The following CGA variants were observed in gnomAD, a reference collection of about 807,000 sequenced individuals.
CGA encodes glycoprotein hormones, alpha polypeptide, also known as glycoprotein hormones alpha chain.
In CGA, 4 loss-of-function variants were observed where a neutral mutation model predicts 12.0. The observed-to-expected ratio is 0.33, with a 90% CI of 0.16 to 0.76. The LOEUF (loss-of-function observed/expected upper bound fraction) is 0.76, where lower values mean the gene tolerates loss of function less well. Among genes scored for constraint, CGA ranks in the 30% least tolerant of loss-of-function variants. CGA has a pLI of 0.60. For missense variants in CGA, 102 were observed against 143.5 expected, an observed-to-expected ratio of 0.71 and a Z score of 1.48; for synonymous variants, 60 against 56.6, an observed-to-expected ratio of 1.06 and a Z score of -0.27.
At chr6:87,089,861 G>A (rs965643372) in intron 1 of CGA, among the ~76,000 whole-genome samples, 3 of 152,110 alleles carry the variant, frequency 2.0e-5, no homozygotes, top group African/African-American at 7.2e-5. Flanking sequence ...CTTTGTTTAT[G>A]CACAAAATAT....
chr6:87,086,434 T>C lies in CGA; in HGVS notation c.89A>G (p.Asp30Gly). Residue 30 changes from aspartate (D) to glycine (G), a missense_variant and splice_region_variant, in exon 3 of 4, where the codon GAT (aspartate) becomes GGT (glycine). Physicochemically the swap from Asp to Gly is moderately conservative, Grantham distance 94. Transcript: ENST00000627148. ...TTCCTGTAGCGTGCATTCTGGGCAA[T>C]CTATCAGGGAAAAAAAAAGGCAGAG... ...HVLHSAPDVQ[D>G]CPECTLQENP... is the part of the protein sequence containing the mutation. 6.3e-7 allele frequency: 1 copy of C among 1,580,110 alleles called. No homozygotes were observed. Among genetic ancestry groups the C allele is most frequent in the Non-Finnish European group, 8.6e-7 (1 of 1,168,368 alleles).
At chr6:87,086,135 G>T in intron 3 of CGA, 115 bp downstream of exon 3, 2 of 913,918 alleles carry the variant, frequency 2.2e-6, no homozygotes, top group Non-Finnish European at 3.4e-6. Context: ...CTGTACAAAT[G>T]CTCGACAGAG....
chr6:87,094,822 A>G (rs1414799746), intron 1 of CGA, 191 bp downstream of exon 1: 4 of 152,176 alleles, frequency 2.6e-5, no homozygotes, highest in African/African-American at 9.7e-5. Flanking sequence ...GTTAGATAAC[A>G]TCTTACCCTA....
Position 87,085,554 on chromosome 6 carries a change from A to T in CGA, c.*202T>A. On this transcript the variant is annotated 3_prime_UTR_variant, in exon 4 of 4. Transcript: ENST00000627148. ...GTGGAACAAGCTAAATGCTGTATTC[A>T]TTCCAAATGAAAAGAACTAGACTGC... 1.9e-6 allele frequency: 1 copy of T among 534,870 alleles called. No homozygotes were observed. Among genetic ancestry groups the T allele is most frequent in the Non-Finnish European group, 3.4e-6 (1 of 293,098 alleles). The allele number at this position is 534,870 out of a possible 1,614,324, so 33.1% of individuals were successfully genotyped here. A position where few individuals can be genotyped will look rare whatever the true frequency, so the allele number is the denominator to read the frequency against.
chr6:87,085,686 T>C lies in CGA; in HGVS notation c.*70A>G. The stretch of plus-strand genomic sequence containing the variant: ...AGGAGAGTTTTATCTCACAAAGCCA[T>C]AAACACTAAACAACTTAATTTTCCA... On this transcript the variant is annotated 3_prime_UTR_variant, in exon 4 of 4. Coordinates refer to ENST00000627148, the MANE Select transcript of CGA (RefSeq NM_000735.4). 1 of 1,077,066 alleles carries C rather than the reference T, an allele frequency of 9.3e-7. No homozygotes were observed. The highest frequency in any genetic ancestry group is 1.4e-6 in the Non-Finnish European group (1 of 705,916). 66.7% of individuals were successfully genotyped at this position (1,077,066 alleles called of 1,614,324 possible).
intron 1 of CGA, among the ~76,000 whole-genome samples, chr6:87,090,762 C>T (rs778498681): frequency 9.3e-5 from 14 of 149,964 alleles, no homozygotes; most frequent in African/African-American, 2.2e-4. Context: ...CTCAGCCTCC[C>T]GAATAGCTGG....
In CGA at chr6:87,091,856, G is replaced by A. The variant is rs188014180; in HGVS notation, c.-8+3157C>T. 3.3e-3 allele frequency among the ~76,000 whole-genome samples: 506 copies of A among 152,268 alleles called. 1 individual carries two copies. The highest frequency in any genetic ancestry group is 0.012 in the African/African-American group (485 of 41,556). ...TATAATTCTTAGATGATGCCCCACAGTCTAACCAGTTATGTACACGTCTAT... is the reference window on the plus strand; with the variant it reads ...TATAATTCTTAGATGATGCCCCACAATCTAACCAGTTATGTACACGTCTAT... On this transcript the variant is annotated intron_variant, in intron 1 of 3. Coordinates refer to ENST00000627148, the MANE Select transcript of CGA (RefSeq NM_000735.4).
chr6:87,086,150 G>T, intron 3 of CGA, 100 bp downstream of exon 3: 1 of 1,052,622 alleles, frequency 9.5e-7, no homozygotes, highest in Non-Finnish European at 1.4e-6. Flanking sequence ...ACAGAGGCTG[G>T]GTCATTAGAC....
intron 1 of CGA, among the ~76,000 whole-genome samples, chr6:87,090,177 C>T (rs1439451804): frequency 3.9e-5 from 6 of 152,112 alleles, no homozygotes; most frequent in African/African-American, 1.4e-4. Context: ...TCATAATTAA[C>T]ACTGAATAAA....
intron 2 of CGA, 179 bp from the exon 3 acceptor site, chr6:87,086,613 CA>C (rs1186367576): frequency 4.4e-5 from 25 of 571,094 alleles, no homozygotes; most frequent in Admixed American, 1.3e-4. Context: ...CCTGTCTCTA[CA>C]AAAAATACAA....
chr6:87,093,708 A>G (rs1206462395), intron 1 of CGA, among the ~76,000 whole-genome samples: 2 of 152,218 alleles, frequency 1.3e-5, no homozygotes, highest in Non-Finnish European at 2.9e-5. Context: ...CCCAGCTCTT[A>G]CTTTGAGTTT....
Position 87,094,169 on chromosome 6 carries a change from G to A in CGA, c.-8+844C>T, listed in dbSNP as rs557543061. On this transcript the variant is annotated intron_variant, in intron 1 of 3. Coordinates refer to ENST00000627148, the MANE Select transcript of CGA (RefSeq NM_000735.4). ...GAGCTTAAGAAACAAAATATCTACA[G>A]AGATGAAAGGGAGCTTCTGCATTCC... Among the ~76,000 whole-genome samples, 4 of 152,272 alleles carry A rather than the reference G, an allele frequency of 2.6e-5. No individual in the cohort carries two copies. In the South Asian group the frequency reaches 8.3e-4, roughly 32 times the overall value.
chr6:87,085,971 T>C lies in CGA; in HGVS notation c.274-138A>G, dbSNP rs1467815969. 9.8e-6 allele frequency: 7 copies of C among 717,784 alleles called. No individual in the cohort carries two copies. In the Admixed American group the frequency reaches 1.7e-4, roughly 18 times the overall value. The allele number at this position is 717,784 out of a possible 1,614,324, so 44.5% of individuals were successfully genotyped here. On this transcript the variant is annotated intron_variant, in intron 3 of 3. Coordinates refer to ENST00000627148, the MANE Select transcript of CGA (RefSeq NM_000735.4). ...TGCATACTACATTTGCACAGTCTCCTTTTTAGGAAATATTTTTAGCACAAG... is the reference window on the plus strand; with the variant it reads ...TGCATACTACATTTGCACAGTCTCCCTTTTAGGAAATATTTTTAGCACAAG...
intron 2 of CGA, among the ~76,000 whole-genome samples, chr6:87,087,368 T>A (rs1027908136): frequency 3.3e-5 from 5 of 152,212 alleles, no homozygotes; most frequent in Admixed American, 1.3e-4. Flanking sequence ...GCTAACAGTA[T>A]GCCTAGAGGA....
chr6:87,092,564 A>T (rs1029800148), intron 1 of CGA, among the ~76,000 whole-genome samples: 2 of 149,784 alleles, frequency 1.3e-5, no homozygotes, highest in Non-Finnish European at 1.5e-5. Context: ...AGAAAAGAAG[A>T]GGAGAGGAGA....
rs544052966 is a variant in CGA, at chr6:87,093,858, C to G, written c.-8+1155G>C. On this transcript the variant is annotated intron_variant, in intron 1 of 3. Transcript: ENST00000627148. ...AGGAAATGGTAAGGAATATGACTCACTTAAAATTTCAATGACTCTTACTGC... is the reference window on the plus strand; with the variant it reads ...AGGAAATGGTAAGGAATATGACTCAGTTAAAATTTCAATGACTCTTACTGC... Among the ~76,000 whole-genome samples, 258 of 152,206 alleles carry G rather than the reference C, an allele frequency of 1.7e-3. 1 individual carries two copies. Among genetic ancestry groups the G allele is most frequent in the Non-Finnish European group, 2.3e-3 (154 of 68,002 alleles).
At chr6:87,092,977 CTA>C (rs1482108450) in intron 1 of CGA, among the ~76,000 whole-genome samples, 11 of 151,924 alleles carry the variant, frequency 7.2e-5, no homozygotes, top group Admixed American at 5.2e-4. Flanking sequence ...CAGGGTTTCT[CTA>C]TGTTGCCCAG....
At chr6:87,086,034 C>T (rs1345544604) in intron 3 of CGA, 1 of 649,408 alleles carries the variant, frequency 1.5e-6, no homozygotes. Flanking sequence ...CTTGTCACCT[C>T]TACCCCTATT....
At chr6:87,093,068 C>T (rs189021540) in intron 1 of CGA, among the ~76,000 whole-genome samples, 136 of 152,256 alleles carry the variant, frequency 8.9e-4, no homozygotes, top group African/African-American at 2.8e-3. Context: ...CGTGAGCCCC[C>T]GTGCCCAGTC....
Sources: gnomAD v4.1 joint callset for allele counts (sites outside exome capture counted in the v4.1 genomes callset) on GRCh38, gnomAD v4.1.1 for gene constraint, MANE v1.5 for transcripts, NCBI Gene and HGNC (gene_info 2026-07-23, HGNC 2026-07-21) for gene names.